NRG3: variants seen among roughly 807,000 people sequenced by gnomAD.
NRG3 encodes pro-neuregulin-3, membrane-bound isoform.
NRG3 carries 31 observed loss-of-function variants against 66.9 expected under a neutral mutation model. That is an observed-to-expected ratio of 0.46 (90% CI 0.35 to 0.63). The LOEUF (loss-of-function observed/expected upper bound fraction) is 0.63, where lower values mean the gene tolerates loss of function less well. Among genes scored for constraint, NRG3 ranks in the 20% least tolerant of loss-of-function variants. NRG3 has a pLI of 0.00. For synonymous variants in NRG3, 393 were observed against 359.4 expected (o/e 1.09, Z -1.06); for missense variants, 910 against 878.9 (o/e 1.04, Z -0.45).
At chr10:81,922,747 T>G (rs1846376550) in intron 1 of NRG3, among the ~76,000 whole-genome samples, 1 of 152,144 alleles carries the variant, frequency 6.6e-6, no homozygotes, top group South Asian at 2.1e-4. Context: ...AGAGAAAATA[T>G]TTGAAAGAAT....
intron 2 of NRG3, among the ~76,000 whole-genome samples, chr10:82,516,322 C>T (rs1017363847): frequency 2.0e-5 from 3 of 152,138 alleles, no homozygotes; most frequent in Admixed American, 2.0e-4. Context: ...CCCTTTCCAT[C>T]TATCTAGGAC....
chr10:82,298,562 A>T (rs1260775317), intron 1 of NRG3, among the ~76,000 whole-genome samples: 1 of 152,140 alleles, frequency 6.6e-6, no homozygotes. Context: ...TTAACCATCC[A>T]TTGAGATGGA....
chr10:82,566,665 A>G (rs536516464), intron 2 of NRG3, among the ~76,000 whole-genome samples: 1 of 152,054 alleles, frequency 6.6e-6, no homozygotes, highest in South Asian at 2.1e-4. Context: ...AAAAGAAAAG[A>G]CCATGTCAGG....
At chr10:81,960,550 G>T (rs1377424726) in intron 1 of NRG3, among the ~76,000 whole-genome samples, 1 of 151,764 alleles carries the variant, frequency 6.6e-6, no homozygotes, top group East Asian at 1.9e-4. Flanking sequence ...AAGTCATATA[G>T]CAGCATAGTA....
chr10:82,571,927 G>A (rs571145483), intron 2 of NRG3, among the ~76,000 whole-genome samples: 2 of 151,668 alleles, frequency 1.3e-5, no homozygotes, highest in South Asian at 2.1e-4. Flanking sequence ...CTTTGGGGAG[G>A]AGTGCAGTTA....
At chr10:82,045,290 T>C (rs2063227342) in intron 1 of NRG3, among the ~76,000 whole-genome samples, 1 of 36,142 alleles carries the variant, frequency 2.8e-5, no homozygotes, top group African/African-American at 4.6e-5. Context: ...ATCACTGTGG[T>C]TTTGATTTGC....
intron 1 of NRG3, among the ~76,000 whole-genome samples, chr10:82,118,198 G>A (rs1460376527): frequency 6.7e-6 from 1 of 149,810 alleles, no homozygotes; most frequent in Non-Finnish European, 1.5e-5. Context: ...AGAGTGATTA[G>A]GCTTTTAGTA....
At chr10:82,940,991 A>C (rs995513580) in intron 4 of NRG3, among the ~76,000 whole-genome samples, 1 of 152,148 alleles carries the variant, frequency 6.6e-6, no homozygotes, top group Non-Finnish European at 1.5e-5. Context: ...AATTCAATCC[A>C]TAACAGTGGG....
At chr10:82,891,176 T>G (rs1843118655) in intron 4 of NRG3, among the ~76,000 whole-genome samples, 1 of 151,592 alleles carries the variant, frequency 6.6e-6, no homozygotes, top group Non-Finnish European at 1.5e-5. Context: ...AAAAATGAAC[T>G]TGATTTTTAT....
intron 4 of NRG3, among the ~76,000 whole-genome samples, chr10:82,921,691 T>G (rs1564632413): frequency 2.0e-5 from 3 of 152,208 alleles, no homozygotes; most frequent in Admixed American, 2.0e-4. Flanking sequence ...AATTCTGTGC[T>G]TCTTCTATTT....
chr10:82,140,971 A>G (rs1289715678), intron 1 of NRG3, among the ~76,000 whole-genome samples: 1 of 152,166 alleles, frequency 6.6e-6, no homozygotes, highest in Non-Finnish European at 1.5e-5. Flanking sequence ...AAATTCATAT[A>G]TATGTATATA....
chr10:82,296,114 T>G (rs2080044389), intron 1 of NRG3, among the ~76,000 whole-genome samples: 1 of 152,138 alleles, frequency 6.6e-6, no homozygotes, highest in Admixed American at 6.5e-5. Context: ...GGTAAAAGGT[T>G]GGGCATGAGC....
chr10:82,264,881 G>T (rs955576679), intron 1 of NRG3, among the ~76,000 whole-genome samples: 1 of 152,126 alleles, frequency 6.6e-6, no homozygotes, highest in Non-Finnish European at 1.5e-5. Flanking sequence ...CCTGGAATGG[G>T]TACAAAAGAG....
At chr10:82,339,504 G>T (rs1484057343) in intron 1 of NRG3, among the ~76,000 whole-genome samples, 1 of 152,062 alleles carries the variant, frequency 6.6e-6, no homozygotes, top group Non-Finnish European at 1.5e-5. Context: ...AGAACAGCAT[G>T]GGGGAGGCTG....
intron 6 of NRG3, among the ~76,000 whole-genome samples, chr10:82,967,900 C>T (rs183987491): frequency 2.0e-5 from 3 of 152,314 alleles, no homozygotes; most frequent in African/African-American, 7.2e-5. Context: ...CCCCAACTCT[C>T]GTTCTAGTGC....
chr10:82,021,566 A>C (rs2062060112), intron 1 of NRG3, among the ~76,000 whole-genome samples: 1 of 152,118 alleles, frequency 6.6e-6, no homozygotes, highest in Admixed American at 6.6e-5. Flanking sequence ...CAGTAGTCTC[A>C]GTTTGTTAGA....
intron 1 of NRG3, among the ~76,000 whole-genome samples, chr10:82,214,041 GTC>G (rs1277949238): frequency 6.6e-6 from 1 of 152,158 alleles, no homozygotes; most frequent in African/African-American, 2.4e-5. Flanking sequence ...AGATGGCAGT[GTC>G]TGGAGGCATT....
intron 4 of NRG3, among the ~76,000 whole-genome samples, chr10:82,933,365 G>T (rs943558885): frequency 2.0e-5 from 3 of 152,116 alleles, no homozygotes; most frequent in Non-Finnish European, 2.9e-5. Flanking sequence ...TACCTCTGCT[G>T]CACAACCACT....
chr10:82,858,698 A>G (rs187548886), intron 3 of NRG3, among the ~76,000 whole-genome samples: 15 of 152,286 alleles, frequency 9.8e-5, no homozygotes, highest in African/African-American at 2.6e-4. Flanking sequence ...AAGATAAAGC[A>G]TTTATAACTG....
Sources: gnomAD v4.1 joint callset for allele counts (sites outside exome capture counted in the v4.1 genomes callset) on GRCh38, gnomAD v4.1.1 for gene constraint, MANE v1.5 for transcripts, NCBI Gene and HGNC (gene_info 2026-07-23, HGNC 2026-07-21) for gene names.